SLC16A2: variants seen among roughly 807,000 people sequenced by gnomAD.
The protein encoded by SLC16A2 is solute carrier family 16 member 2, also known as monocarboxylate transporter 8.
In SLC16A2, 3 loss-of-function variants were observed where a neutral mutation model predicts 27.2. That is an observed-to-expected ratio of 0.11 (90% CI 0.05 to 0.28). The LOEUF (loss-of-function observed/expected upper bound fraction) is 0.28, where lower values mean the gene tolerates loss of function less well. SLC16A2 is among the 10% of genes least tolerant of loss of function. The pLI is 1.00. For synonymous variants in SLC16A2, 202 were observed against 187.8 expected, an observed-to-expected ratio of 1.08 and a Z score of -0.62; for missense variants, 295 against 458.5, an observed-to-expected ratio of 0.64 and a Z score of 3.26.
intron 1 of SLC16A2, among the ~76,000 whole-genome samples, chrX:74,475,652 T>G (rs1241612958): frequency 8.9e-6 from 1 of 112,053 alleles, no homozygotes; most frequent in Non-Finnish European, 1.9e-5. Flanking sequence ...TGAATTAATT[T>G]TAGTATAAGG....
intron 1 of SLC16A2, among the ~76,000 whole-genome samples, chrX:74,501,147 A>T (rs756775946): frequency 9.1e-6 from 1 of 110,320 alleles, no homozygotes; most frequent in South Asian, 4.0e-4. Context: ...ACAGAGTAGG[A>T]GATTAAGTTT....
chrX:74,461,076 T>G (rs920513606), intron 1 of SLC16A2, among the ~76,000 whole-genome samples: 1 of 112,379 alleles, frequency 8.9e-6, no homozygotes, highest in Non-Finnish European at 1.9e-5. Context: ...GTTTCTTTTA[T>G]TTAATGTTCC....
chrX:74,528,008 G>A (rs1007978882), intron 4 of SLC16A2, among the ~76,000 whole-genome samples: 1 of 111,772 alleles, frequency 8.9e-6, no homozygotes, highest in African/African-American at 3.3e-5. Context: ...GTCCTCAGAT[G>A]GCATTATCCT....
chrX:74,480,021 G>C (rs1929581777), intron 1 of SLC16A2, among the ~76,000 whole-genome samples: 1 of 112,162 alleles, frequency 8.9e-6, no homozygotes, highest in Non-Finnish European at 1.9e-5. Flanking sequence ...TGTCAGATAG[G>C]GACATTTAAG....
rs1047735823 is a variant in SLC16A2, at chrX:74,525,684, TAC to T, written c.1027-64_1027-63del. On this transcript the variant is annotated intron_variant, in intron 3 of 5. Coordinates refer to ENST00000587091, the MANE Select transcript of SLC16A2 (RefSeq NM_006517.5). ...AGCAGTAGGGGATTCTGGATATGCC[TAC>T]AGTTAACCAGTCAGCTCCTCTTTCT... The T allele has an allele frequency of 1.5e-5, 18 of 1,173,014 alleles. No individual in the cohort carries two copies. The African/African-American group carries it at 2.8e-4, about 18-fold the overall frequency.
At chrX:74,513,528 A>G (rs1930267780) in intron 1 of SLC16A2, among the ~76,000 whole-genome samples, 1 of 112,102 alleles carries the variant, frequency 8.9e-6, no homozygotes, top group African/African-American at 3.2e-5. Flanking sequence ...TCTATTATCA[A>G]TAAGGTTATA....
chrX:74,509,055 C>T (rs997510027), intron 1 of SLC16A2, among the ~76,000 whole-genome samples: 2 of 111,051 alleles, frequency 1.8e-5, no homozygotes, highest in African/African-American at 6.6e-5. Flanking sequence ...TCCACCTCCC[C>T]AGGCTCAGGT....
chrX:74,449,310 T>C (rs1450665837), intron 1 of SLC16A2, among the ~76,000 whole-genome samples: 3 of 111,841 alleles, frequency 2.7e-5, no homozygotes, highest in African/African-American at 6.5e-5. Context: ...TCTGTTCTAA[T>C]TGAGTGATGC....
rs2147870500 is a variant in SLC16A2 at position 74,524,352 on chromosome X, C to T, written c.576-7C>T. On this transcript the variant is annotated splice_region_variant and splice_polypyrimidine_tract_variant and intron_variant, in intron 2 of 5. Coordinates refer to ENST00000587091, the MANE Select transcript of SLC16A2 (RefSeq NM_006517.5). ...GCTGAGGACAGCTCTTGGTATTTCTCCCACAGCTCCCTAAGCCTGCGCTAC... is the reference window on the plus strand; with the variant it reads ...GCTGAGGACAGCTCTTGGTATTTCTTCCACAGCTCCCTAAGCCTGCGCTAC... 8.3e-7 allele frequency: 1 copy of T among 1,210,722 alleles called. No individual in the cohort carries two copies. The highest frequency in any genetic ancestry group is 3.0e-5 in the East Asian group (1 of 33,809).
At chrX:74,463,922 C>T (rs185008113) in intron 1 of SLC16A2, among the ~76,000 whole-genome samples, 16 of 112,121 alleles carry the variant, frequency 1.4e-4, no homozygotes, top group East Asian at 8.3e-4. Flanking sequence ...TTCTTCATGC[C>T]CTGTTTTAGT....
At chrX:74,485,216 CAAAA>C (rs762055288) in intron 1 of SLC16A2, among the ~76,000 whole-genome samples, 1 of 37,354 alleles carries the variant, frequency 2.7e-5, no homozygotes. Context: ...AATGCCATCT[CAAAA>C]AAAAAAAAAA....
At chrX:74,493,877 C>T (rs1929884900) in intron 1 of SLC16A2, among the ~76,000 whole-genome samples, 1 of 111,458 alleles carries the variant, frequency 9.0e-6, no homozygotes, top group Admixed American at 9.5e-5. Context: ...AGGACCTTAC[C>T]CCCATTCCCA....
At chrX:74,506,943 T>TA (rs200493416) in intron 1 of SLC16A2, among the ~76,000 whole-genome samples, 6,654 of 82,247 alleles carry the variant, frequency 0.081, 240 homozygotes, top group Non-Finnish European at 0.1. Context: ...ATTTATTTTT[T>TA]TTTTTTTGAG....
At chrX:74,491,618 T>C (rs1415228628) in intron 1 of SLC16A2, among the ~76,000 whole-genome samples, 1 of 112,060 alleles carries the variant, frequency 8.9e-6, no homozygotes, top group Non-Finnish European at 1.9e-5. Flanking sequence ...CAGATTAAGT[T>C]CTAAAAGAGC....
chrX:74,441,316 C>A (rs1461467264), intron 1 of SLC16A2, among the ~76,000 whole-genome samples: 4 of 111,463 alleles, frequency 3.6e-5, no homozygotes, highest in African/African-American at 9.8e-5. Flanking sequence ...GCCTTGGCCT[C>A]CCAAAGTGCT....
At chrX:74,457,825 C>A (rs965995114) in intron 1 of SLC16A2, among the ~76,000 whole-genome samples, 6 of 111,167 alleles carry the variant, frequency 5.4e-5, no homozygotes, top group African/African-American at 2.0e-4. Context: ...GAGGGACAGC[C>A]AGCACAAAGC....
chrX:74,511,912 C>T (rs1471099069), intron 1 of SLC16A2, among the ~76,000 whole-genome samples: 2 of 112,202 alleles, frequency 1.8e-5, no homozygotes, highest in Non-Finnish European at 3.8e-5. Context: ...GGAGGTCACT[C>T]TTCTGGTGAG....
intron 1 of SLC16A2, among the ~76,000 whole-genome samples, chrX:74,495,347 T>A (rs1929914373): frequency 9.1e-6 from 1 of 109,826 alleles, no homozygotes; most frequent in Non-Finnish European, 1.9e-5. Flanking sequence ...CCAGGCAACA[T>A]CCTGGGCCTG....
At chrX:74,524,835 C>A (rs1178255614) in intron 3 of SLC16A2, 26 bp downstream of exon 3, 1 of 1,163,966 alleles carries the variant, frequency 8.6e-7, no homozygotes, top group Admixed American at 2.2e-5. Flanking sequence ...GTGGGCCCAC[C>A]CCACCTGGCC....
Sources: allele counts gnomAD v4.1 joint callset (sites outside exome capture counted in the v4.1 genomes callset), GRCh38; gene constraint gnomAD v4.1.1; transcripts MANE v1.5; gene names NCBI Gene and HGNC (gene_info 2026-07-23, HGNC 2026-07-21).